Variants in PLCE1 observed in about 807,000 individuals in gnomAD.
The protein encoded by PLCE1 is phospholipase C epsilon 1, also known as 1-phosphatidylinositol 4,5-bisphosphate phosphodiesterase epsilon-1.
A neutral mutation model predicts 242.8 loss-of-function variants in PLCE1; 119 were observed. The ratio of observed to expected loss-of-function variants is 0.49; its 90% CI spans 0.42 to 0.57. The LOEUF is 0.57. Ranked by LOEUF, PLCE1 falls within the 20% of genes least tolerant of loss-of-function variation. The pLI is 0.00. For missense variants in PLCE1, 2,441 were observed against 2,788.8 expected, an observed-to-expected ratio of 0.88 and a Z score of 2.81; for synonymous variants, 945 against 1,017.4, an observed-to-expected ratio of 0.93 and a Z score of 1.35.
At chr10:94,119,367 A>G (rs757695198) in intron 2 of PLCE1, among the ~76,000 whole-genome samples, 1 of 152,142 alleles carries the variant, frequency 6.6e-6, no homozygotes, top group Non-Finnish European at 1.5e-5. Context: ...AGCTGTATGC[A>G]TGTCCATATA....
intron 20 of PLCE1, among the ~76,000 whole-genome samples, chr10:94,282,069 C>G (rs1004456786): frequency 2.0e-5 from 3 of 149,158 alleles, no homozygotes; most frequent in Admixed American, 6.8e-5. Flanking sequence ...AAAACGTGCT[C>G]TCAAAATTCT....
In PLCE1 at chr10:94,298,512, T is replaced by A. The variant is rs367749019; in HGVS notation, c.5301T>A (p.Arg1767=). 1.4e-5 allele frequency: 22 copies of A among 1,614,106 alleles called. No homozygotes were observed. Among genetic ancestry groups the A allele is most frequent in the African/African-American group, 1.1e-4 (8 of 75,006 alleles). The change falls in exon 24 of 33, where the codon CGT becomes CGA. Residue 1767 remains arginine (R), a synonymous_variant. Transcript: ENST00000371380. The surrounding 1 kb of genome is among the most constrained non-coding windows in gnomAD (Gnocchi z 5.2). ...CGCTGAATGAAAATGCCGCCAAACG[T>A]CTGTGTCGCAGGTATTCTCAGAAAC... is the stretch of plus-strand genomic sequence containing the variant. ...ISSLNENAAK[R]LCRRYSQKLT...
In PLCE1 at chr10:94,052,514, G is replaced by A. The variant is rs191826457; in HGVS notation, c.1206+20262G>A. On this transcript the variant is annotated intron_variant, in intron 2 of 32. Transcript: ENST00000371380. ...GGTAATTTCTTTTGCAGATGTTTCTGGAGAAAGTTGAAATTATGCTGGTAA... is the reference window on the plus strand; with the variant it reads ...GGTAATTTCTTTTGCAGATGTTTCTAGAGAAAGTTGAAATTATGCTGGTAA... 1.2e-3 allele frequency among the ~76,000 whole-genome samples: 176 copies of A among 152,274 alleles called. 3 individuals are homozygous for A. The highest frequency in any genetic ancestry group is 4.1e-3 in the African/African-American group (169 of 41,542).
chr10:94,077,818 C>A (rs1028228467), intron 2 of PLCE1, among the ~76,000 whole-genome samples: 1 of 152,074 alleles, frequency 6.6e-6, no homozygotes. Context: ...TGGTTTACAT[C>A]TTTGTGCACT....
intron 19 of PLCE1, among the ~76,000 whole-genome samples, chr10:94,278,315 C>A (rs2052039761): frequency 6.6e-6 from 1 of 152,138 alleles, no homozygotes; most frequent in African/African-American, 2.4e-5. Context: ...TTTTCACTAA[C>A]CTCTAGCTGA....
chr10:93,999,912 G>A (rs1368330615), intron 1 of PLCE1, among the ~76,000 whole-genome samples: 1 of 152,188 alleles, frequency 6.6e-6, no homozygotes, highest in Non-Finnish European at 1.5e-5. Context: ...GATTATTTTT[G>A]CCTTTTTCCT....
chr10:94,191,609 C>A (rs1312244234), intron 4 of PLCE1, among the ~76,000 whole-genome samples: 1 of 151,966 alleles, frequency 6.6e-6, no homozygotes, highest in Non-Finnish European at 1.5e-5. Context: ...CCACTGCATT[C>A]CAGCCTGGGG....
At chr10:94,041,152 C>T (rs1019438489) in intron 2 of PLCE1, among the ~76,000 whole-genome samples, 2 of 152,004 alleles carry the variant, frequency 1.3e-5, no homozygotes, top group African/African-American at 4.8e-5. Flanking sequence ...CTCTGCCAGC[C>T]CCCAACTCCC....
At chr10:94,144,298 A>AGT (rs148440054) in intron 3 of PLCE1, among the ~76,000 whole-genome samples, 11 of 151,780 alleles carry the variant, frequency 7.2e-5, no homozygotes, top group South Asian at 2.1e-4. Flanking sequence ...GACTTATACC[A>AGT]GTGTGTGTGT....
Position 94,069,056 on chromosome 10 carries a change from C to T in PLCE1, c.1206+36804C>T, listed in dbSNP as rs551522002. Among the ~76,000 whole-genome samples the T allele has an allele frequency of 2.0e-4, 30 of 152,318 alleles. No homozygotes were observed. In the South Asian group the frequency reaches 6.0e-3, roughly 30 times the overall value. On this transcript the variant is annotated intron_variant, in intron 2 of 32. Transcript: ENST00000371380. ...TGAAAGAAAAGGAATCCTTTACAAA[C>T]ATTCCTTCTTTATGGTTGAGAAGGC...
chr10:94,318,149 T>C (rs1384876866), intron 29 of PLCE1, among the ~76,000 whole-genome samples: 1 of 152,172 alleles, frequency 6.6e-6, no homozygotes, highest in Non-Finnish European at 1.5e-5. Context: ...TGAAAGGGCA[T>C]TTAATTTAAG....
intron 29 of PLCE1, among the ~76,000 whole-genome samples, chr10:94,319,444 C>T (rs1288737445): frequency 6.6e-6 from 1 of 152,112 alleles, no homozygotes; most frequent in African/African-American, 2.4e-5. Flanking sequence ...AAGCAGTTTG[C>T]CCATATATGA....
At chr10:94,160,613 CTTTAG>C in intron 3 of PLCE1, among the ~76,000 whole-genome samples, 1 of 152,162 alleles carries the variant, frequency 6.6e-6, no homozygotes, top group South Asian at 2.1e-4. Flanking sequence ...TGCAGAAGCT[CTTTAG>C]TTTAGTTAGA....
chr10:94,169,011 T>A lies in PLCE1; in HGVS notation c.1493-2169T>A, dbSNP rs2047893494. 2.0e-5 allele frequency among the ~76,000 whole-genome samples: 3 copies of A among 152,310 alleles called. No individual in the cohort carries two copies. In the South Asian group the frequency reaches 6.2e-4, roughly 32 times the overall value. On this transcript the variant is annotated intron_variant, in intron 3 of 32. Coordinates refer to ENST00000371380, the MANE Select transcript of PLCE1 (RefSeq NM_016341.4). ...CATCAACCTGATTTTAATTTTTTTTTAATATGAGCTTAGATAGAACCAAAT... is the reference window on the plus strand; with the variant it reads ...CATCAACCTGATTTTAATTTTTTTTAAATATGAGCTTAGATAGAACCAAAT...
rs183590094 is a variant in PLCE1, at chr10:94,084,603, C to T, written c.1207-47571C>T. On this transcript the variant is annotated intron_variant, in intron 2 of 32. Coordinates refer to ENST00000371380, the MANE Select transcript of PLCE1 (RefSeq NM_016341.4). ...GTCTGGGCCATTGGAAAGATGTCTC[C>T]GCATCTTTCATGTGAGTCAAGAGGT... 1.3e-3 allele frequency among the ~76,000 whole-genome samples: 202 copies of T among 152,322 alleles called. 1 individual carries two copies. The highest frequency in any genetic ancestry group is 4.0e-3 in the African/African-American group (166 of 41,570).
chr10:94,032,101 C>G lies in PLCE1; in HGVS notation c.1055C>G (p.Pro352Arg). Residue 352 changes from proline to arginine, a missense_variant, in exon 2 of 33, where the codon CCT becomes CGT. Transcript: ENST00000371380. ...ACAAGAGCAATTGTGAGAACTCTGCCTTCTGGCCACATTGGGCTGACTGCA... is the reference window on the plus strand; with the variant it reads ...ACAAGAGCAATTGTGAGAACTCTGCGTTCTGGCCACATTGGGCTGACTGCA... ...TGTRAIVRTL[P>R]SGHIGLTAWS... 1.2e-6 allele frequency: 2 copies of G among 1,611,150 alleles called. No individual in the cohort carries two copies. The highest frequency in any genetic ancestry group is 1.7e-6 in the Non-Finnish European group (2 of 1,178,894).
chr10:94,079,308 C>T (rs969224733), intron 2 of PLCE1, among the ~76,000 whole-genome samples: 2 of 152,102 alleles, frequency 1.3e-5, no homozygotes, highest in African/African-American at 4.8e-5. Context: ...AATGAGAAAA[C>T]ATTAATGTCC....
chr10:94,010,234 A>G (rs1384857704), intron 1 of PLCE1, among the ~76,000 whole-genome samples: 1 of 152,206 alleles, frequency 6.6e-6, no homozygotes, highest in Non-Finnish European at 1.5e-5. Flanking sequence ...TGAGCTGTAC[A>G]TGGAATCTTT....
chr10:94,275,740 G>A (rs189422032), intron 19 of PLCE1, among the ~76,000 whole-genome samples: 1 of 152,148 alleles, frequency 6.6e-6, no homozygotes, highest in Non-Finnish European at 1.5e-5. Context: ...AGAGGCTGAG[G>A]CAGGAGGATC....
Sources: gnomAD v4.1 joint callset for allele counts (sites outside exome capture counted in the v4.1 genomes callset) on GRCh38, gnomAD v4.1.1 for gene constraint, Gnocchi (gnomAD v3.1) non-coding constraint, MANE v1.5 for transcripts, NCBI Gene and HGNC (gene_info 2026-07-23, HGNC 2026-07-21) for gene names.